Variants in BPIFA3 observed in about 807,000 individuals in gnomAD.
BPIFA3 encodes BPI fold-containing family A member 3.
In BPIFA3, 32 loss-of-function variants were observed where a neutral mutation model predicts 29.7. The ratio of observed to expected loss-of-function variants is 1.08; its 90% CI spans 0.81 to 1.45. The LOEUF is 1.45. Among genes scored for constraint, BPIFA3 ranks in the 40% most tolerant of loss-of-function variants. The pLI is 0.00. For synonymous variants in BPIFA3, 112 were observed against 113.7 expected, an observed-to-expected ratio of 0.98 and a Z score of 0.10; for missense variants, 323 against 311.3, an observed-to-expected ratio of 1.04 and a Z score of -0.28.
At chr20:33,225,045 T>G in intron 3 of BPIFA3, 53 bp from the exon 4 acceptor site, 1 of 1,560,186 alleles carries the variant, frequency 6.4e-7, no homozygotes, top group Non-Finnish European at 8.8e-7. Flanking sequence ...AGATTTCTAC[T>G]CTTTCTCTAC....
At chr20:33,223,705 T>C (rs1985630815) in intron 1 of BPIFA3, 106 bp from the exon 2 acceptor site, 1 of 1,276,262 alleles carries the variant, frequency 7.8e-7, no homozygotes, top group Non-Finnish European at 1.1e-6. Flanking sequence ...CACCACTCAC[T>C]AAGCAATCAG....
At chr20:33,226,741 T>G (rs1985797577) in intron 5 of BPIFA3, among the ~76,000 whole-genome samples, 189 bp from the exon 6 acceptor site, 1 of 152,198 alleles carries the variant, frequency 6.6e-6, no homozygotes, top group Admixed American at 6.5e-5. Flanking sequence ...GATGAGGATT[T>G]GTGGAGACAA....
intron 4 of BPIFA3, chr20:33,225,589 C>A (rs777181456): frequency 9.1e-5 from 22 of 240,572 alleles, no homozygotes; most frequent in Middle Eastern, 1.4e-3. Context: ...CCCTCCTACA[C>A]TCCATTCCTC....
chr20:33,227,480 G>A (rs1419919874), intron 6 of BPIFA3, 58 bp from the exon 7 acceptor site: 39 of 1,409,504 alleles, frequency 2.8e-5, no homozygotes, highest in South Asian at 8.1e-5. Flanking sequence ...GTTTCCCTTC[G>A]GTGTGGGAGT....
At chr20:33,221,274 C>G (rs1419490058) in intron 1 of BPIFA3, among the ~76,000 whole-genome samples, 3 of 152,064 alleles carry the variant, frequency 2.0e-5, no homozygotes, top group Non-Finnish European at 2.9e-5. Flanking sequence ...CCTGCCTCAG[C>G]CTCCCGAGTA....
At chr20:33,226,048 CTCTG>C (rs1327699902) in intron 4 of BPIFA3, 1 of 206,866 alleles carries the variant, frequency 4.8e-6, no homozygotes. Context: ...CCTGATTTAT[CTCTG>C]TAATTCCGGA....
rs202183766 is a variant in BPIFA3 at position 33,224,478 on chromosome 20, G to A, written c.386+16G>A. 176 of 1,592,060 alleles carry A rather than the reference G, an allele frequency of 1.1e-4. 1 individual carries two copies. In the Middle Eastern group the frequency reaches 1.2e-3, roughly 11 times the overall value. On this transcript the variant is annotated intron_variant, in intron 3 of 6. Coordinates refer to ENST00000375454, the MANE Select transcript of BPIFA3 (RefSeq NM_178466.5). ...AATTGAGACCGTGAGTCATACAGAAGCAGAATCTGAGAGGTGCTGGCCCTC... is the reference window on the plus strand; with the variant it reads ...AATTGAGACCGTGAGTCATACAGAAACAGAATCTGAGAGGTGCTGGCCCTC...
chr20:33,224,107 A>C, intron 2 of BPIFA3, 146 bp downstream of exon 2: 2 of 1,147,914 alleles, frequency 1.7e-6, no homozygotes, highest in East Asian at 2.6e-5. Flanking sequence ...GAAGGCCCAC[A>C]CAAGGAACAG....
In BPIFA3 at chr20:33,223,859, A is replaced by G. The variant is rs1442950186; in HGVS notation, c.176A>G (p.Asn59Ser). 6.2e-7 allele frequency: 1 copy of G among 1,614,198 alleles called. No individual in the cohort carries two copies. Among genetic ancestry groups the G allele is most frequent in the Admixed American group, 1.7e-5 (1 of 60,030 alleles). Residue 59 changes from asparagine (N) to serine (S), a missense_variant, in exon 2 of 7, where the codon AAC becomes AGC. Coordinates refer to ENST00000375454, the MANE Select transcript of BPIFA3 (RefSeq NM_178466.5). ...IKHNAESRIQ[N>S]IHFGDRLNAS... ...CACAACGCAGAAAGCCGAATTCAGA[A>G]CATCCACTTTGGGGACAGACTGAAT...
At chr20:33,224,092 A>G in intron 2 of BPIFA3, 131 bp downstream of exon 2, 2 of 1,233,774 alleles carry the variant, frequency 1.6e-6, no homozygotes, top group Non-Finnish European at 2.2e-6. Context: ...AAAGAAGAGA[A>G]GGTGGAAGGC....
Position 33,217,402 on chromosome 20 carries a change from C to A in BPIFA3, c.-135C>A. ...GCCAGGGTCCAGTGCAGCCCCTCCC[C>A]ACAGCATGCTGGGGGCTAATTCTGA... On this transcript the variant is annotated 5_prime_UTR_variant, in exon 1 of 7. Coordinates refer to ENST00000375454, the MANE Select transcript of BPIFA3 (RefSeq NM_178466.5). The A allele has an allele frequency of 8.3e-7, 1 of 1,199,050 alleles. No homozygotes were observed. The highest frequency in any genetic ancestry group is 1.1e-6 in the Non-Finnish European group (1 of 876,058). The allele number at this position is 1,199,050 out of a possible 1,614,324, so 74.3% of individuals were successfully genotyped here.
chr20:33,221,955 T>C (rs1009174357), intron 1 of BPIFA3, among the ~76,000 whole-genome samples: 1 of 152,232 alleles, frequency 6.6e-6, no homozygotes, highest in Non-Finnish European at 1.5e-5. Flanking sequence ...ACTATGCATA[T>C]GTTTATTGCT....
At chr20:33,225,618 C>A (rs965827657) in intron 4 of BPIFA3, 3 of 192,398 alleles carry the variant, frequency 1.6e-5, no homozygotes, top group Non-Finnish European at 1.1e-5. Flanking sequence ...GCAGAAATAA[C>A]TTTCTAACAC....
chr20:33,226,875 C>A, intron 5 of BPIFA3, 55 bp from the exon 6 acceptor site: 1 of 1,607,820 alleles, frequency 6.2e-7, no homozygotes, highest in Non-Finnish European at 8.5e-7. Flanking sequence ...ACAGTCACTT[C>A]AGTTTTCCTT....
At chr20:33,227,240 C>T (rs1568625981) in intron 6 of BPIFA3, among the ~76,000 whole-genome samples, 2 of 151,924 alleles carry the variant, frequency 1.3e-5, no homozygotes, top group South Asian at 4.2e-4. Flanking sequence ...ACCAGAGATT[C>T]GAGCTGCTTC....
In BPIFA3 at chr20:33,224,432, T is replaced by C. The variant is rs775353032; in HGVS notation, c.356T>C (p.Ile119Thr). ...SFHKEWFSAN[I>T]SLEFDLELRP... is the part of the protein sequence containing the mutation. ...CATAAGGAGTGGTTCTCGGCAAATA[T>C]CTCACTTGAATTTGACCTTGAATTG... is the stretch of plus-strand genomic sequence containing the variant. Residue 119 changes from isoleucine (I) to threonine (T), a missense_variant, in exon 3 of 7, where the codon ATC becomes ACC. Physicochemically the swap from Ile to Thr is moderately conservative, Grantham distance 89 (BLOSUM62 -1). Transcript: ENST00000375454. The C allele has an allele frequency of 6.2e-7, 1 of 1,613,942 alleles. No homozygotes were observed. The highest frequency in any genetic ancestry group is 8.5e-7 in the Non-Finnish European group (1 of 1,179,816).
At position 33,217,376 on chromosome 20, in the gene BPIFA3, C is replaced by CT. The variant is rs112310562; in HGVS notation, c.-161_-160insT. 0.027 allele frequency: 23,321 copies of CT among 866,110 alleles called. 3,554 individuals are homozygous for CT. In the African/African-American group the frequency reaches 0.34, roughly 13 times the overall value. The allele number at this position is 866,110 out of a possible 1,614,324, so 53.7% of individuals were successfully genotyped here. On this transcript the variant is annotated 5_prime_UTR_variant, in exon 1 of 7. Coordinates refer to ENST00000375454, the MANE Select transcript of BPIFA3 (RefSeq NM_178466.5). ...CAATGTGAGCAAGCCCTGGTGGCAG[C>CT]GCCAGGGTCCAGTGCAGCCCCTCCC... is the stretch of plus-strand genomic sequence containing the variant.
At chr20:33,222,910 C>T (rs1985597032) in intron 1 of BPIFA3, among the ~76,000 whole-genome samples, 1 of 152,136 alleles carries the variant, frequency 6.6e-6, no homozygotes. Context: ...AGCTTGGGGC[C>T]TGACACCCAG....
At chr20:33,220,378 A>G (rs1484577385) in intron 1 of BPIFA3, among the ~76,000 whole-genome samples, 2 of 152,042 alleles carry the variant, frequency 1.3e-5, no homozygotes, top group Non-Finnish European at 2.9e-5. Context: ...AGCCTGGGGG[A>G]CAGAGCAAGA....
Sources: gnomAD v4.1 joint callset for allele counts (sites outside exome capture counted in the v4.1 genomes callset) on GRCh38, gnomAD v4.1.1 for gene constraint, MANE v1.5 for transcripts, NCBI Gene and HGNC (gene_info 2026-07-23, HGNC 2026-07-21) for gene names.